The following VAV3 variants were observed in gnomAD, a reference collection of about 807,000 sequenced individuals.
VAV3 encodes the protein guanine nucleotide exchange factor VAV3.
In VAV3, 94 loss-of-function variants were observed where a neutral mutation model predicts 131.2. That is an observed-to-expected ratio of 0.72 (90% confidence interval 0.61 to 0.85). The LOEUF is 0.85. Ranked by LOEUF, VAV3 falls within the 40% of genes least tolerant of loss-of-function variation. VAV3 has a pLI of 0.00. For synonymous variants in VAV3, 349 were observed against 342.0 expected (o/e 1.02, Z -0.22); for missense variants, 939 against 1,002.7 (o/e 0.94, Z 0.86).
intron 15 of VAV3, among the ~76,000 whole-genome samples, chr1:107,745,659 C>T (rs2102039055): frequency 6.6e-6 from 1 of 152,232 alleles, no homozygotes; most frequent in South Asian, 2.1e-4. Flanking sequence ...ATTTAATGTT[C>T]TAAATTAAGA....
chr1:107,962,202 A>G (rs1005591355), intron 1 of VAV3, among the ~76,000 whole-genome samples: 4 of 152,232 alleles, frequency 2.6e-5, no homozygotes, highest in African/African-American at 9.6e-5. Context: ...CCAAAACGCC[A>G]CAAGTACTAG....
chr1:107,637,771 A>G (rs1218411151), intron 20 of VAV3, among the ~76,000 whole-genome samples: 1 of 152,220 alleles, frequency 6.6e-6, no homozygotes, highest in Non-Finnish European at 1.5e-5. Flanking sequence ...AGTTGAAGAG[A>G]AGGGACTAGA....
intron 1 of VAV3, among the ~76,000 whole-genome samples, chr1:107,941,610 T>C (rs1361523767): frequency 1.3e-5 from 2 of 152,168 alleles, no homozygotes; most frequent in Non-Finnish European, 2.9e-5. Flanking sequence ...TCTGTTTTGT[T>C]TGTTTTGCCA....
Position 107,881,158 on chromosome 1 carries a change from T to C in VAV3, c.205-6141A>G, listed in dbSNP as rs79513587. On this transcript the variant is annotated intron_variant, in intron 1 of 26. Transcript: ENST00000370056. ...GTTTTTCTTCTTACTAGAGAGATGATGTGGCATAGGAAGACAAGACAAGGA... is the reference window on the plus strand; with the variant it reads ...GTTTTTCTTCTTACTAGAGAGATGACGTGGCATAGGAAGACAAGACAAGGA... 4.1e-3 allele frequency among the ~76,000 whole-genome samples: 627 copies of C among 152,306 alleles called. 5 individuals carry two copies. Among genetic ancestry groups the C allele is most frequent in the African/African-American group, 0.014 (589 of 41,558 alleles).
chr1:107,871,975 AAAGTAT>A (rs1670274635), intron 2 of VAV3, among the ~76,000 whole-genome samples: 1 of 152,160 alleles, frequency 6.6e-6, no homozygotes, highest in Admixed American at 6.5e-5. Flanking sequence ...CTTTCTTTCT[AAAGTAT>A]AAGTAGATGC....
chr1:107,657,678 C>G (rs11806218), intron 19 of VAV3, among the ~76,000 whole-genome samples: 9,866 of 152,116 alleles, frequency 0.065, 817 homozygotes, highest in African/African-American at 0.2. Context: ...ATAGGGAGAG[C>G]AAAACACAGG....
chr1:107,761,992 G>A (rs1329039739), intron 9 of VAV3, among the ~76,000 whole-genome samples: 2 of 151,854 alleles, frequency 1.3e-5, no homozygotes, highest in Non-Finnish European at 2.9e-5. Context: ...TTATGACTTT[G>A]AGTAAATTAC....
chr1:107,642,968 G>A (rs1655462493), intron 19 of VAV3, among the ~76,000 whole-genome samples: 1 of 152,046 alleles, frequency 6.6e-6, no homozygotes, highest in Non-Finnish European at 1.5e-5. Context: ...CATGATCCCT[G>A]ACATAGTTTT....
At chr1:107,616,321 G>A (rs1001299700) in intron 21 of VAV3, among the ~76,000 whole-genome samples, 1 of 151,622 alleles carries the variant, frequency 6.6e-6, no homozygotes, top group Admixed American at 6.6e-5. Flanking sequence ...ATTATCATGA[G>A]TGAACTAACA....
At chr1:107,688,644 T>A in intron 17 of VAV3, 1 of 1,061,652 alleles carries the variant, frequency 9.4e-7, no homozygotes. Flanking sequence ...AGGTTATGCT[T>A]AACTTTTTCC....
intron 19 of VAV3, among the ~76,000 whole-genome samples, chr1:107,647,240 G>A (rs928770121): frequency 6.7e-5 from 10 of 148,794 alleles, no homozygotes; most frequent in South Asian, 4.4e-4. Context: ...TAGATAAATG[G>A]GCTGTAGGTA....
intron 15 of VAV3, among the ~76,000 whole-genome samples, chr1:107,729,820 G>A (rs545679625): frequency 2.0e-5 from 3 of 152,230 alleles, no homozygotes; most frequent in Admixed American, 6.5e-5. Flanking sequence ...ATTATTTTTT[G>A]TTGTTTACCA....
chr1:107,622,835 A>G (rs1653709764), intron 20 of VAV3, among the ~76,000 whole-genome samples: 1 of 152,216 alleles, frequency 6.6e-6, no homozygotes, highest in Non-Finnish European at 1.5e-5. Flanking sequence ...CATGGCCATG[A>G]ATAATGGGAA....
At chr1:107,741,899 C>T (rs1481435070) in intron 15 of VAV3, among the ~76,000 whole-genome samples, 1 of 152,092 alleles carries the variant, frequency 6.6e-6, no homozygotes, top group African/African-American at 2.4e-5. Context: ...TGAGAATTGC[C>T]CATCCTGCTT....
In VAV3 at chr1:107,624,857, C is replaced by T. The variant is rs910101146; in HGVS notation, c.1915-7225G>A. On this transcript the variant is annotated intron_variant, in intron 20 of 26. Transcript: ENST00000370056. ...TACTAAGGAATTAAAAATGAATAGA[C>T]GTGGACACAATCTTCAAGGATCTCA... is the stretch of plus-strand genomic sequence containing the variant. Among the ~76,000 whole-genome samples, 7 of 152,262 alleles carry T rather than the reference C, an allele frequency of 4.6e-5. No individual in the cohort carries two copies. In the East Asian group the frequency reaches 7.7e-4, roughly 17 times the overall value.
intron 1 of VAV3, among the ~76,000 whole-genome samples, chr1:107,894,788 AT>A (rs1671487222): frequency 6.6e-6 from 1 of 152,128 alleles, no homozygotes; most frequent in African/African-American, 2.4e-5. Flanking sequence ...TTCCCCAAAC[AT>A]TTCCCCCATA....
At chr1:107,895,133 G>C (rs189394021) in intron 1 of VAV3, among the ~76,000 whole-genome samples, 14 of 152,022 alleles carry the variant, frequency 9.2e-5, no homozygotes, top group Admixed American at 9.2e-4. Flanking sequence ...AAAAAAAAAA[G>C]AGCTATGGGA....
intron 20 of VAV3, among the ~76,000 whole-genome samples, chr1:107,636,396 A>T (rs887479889): frequency 2.0e-5 from 3 of 152,202 alleles, no homozygotes; most frequent in African/African-American, 7.2e-5. Context: ...AAACTGAAAG[A>T]GCAATTAGAA....
At position 107,753,669 on chromosome 1, in the gene VAV3, C is replaced by T. The variant is rs1300017204; in HGVS notation, c.1173+1758G>A. On this transcript the variant is annotated intron_variant, in intron 12 of 26. Transcript: ENST00000370056. The stretch of plus-strand genomic sequence containing the variant: ...CCGCCTCCTGGGTTCAAGCAATTCT[C>T]CTGCCTCAGCCTCCCCAGTAGCTGG... 2.6e-5 allele frequency among the ~76,000 whole-genome samples: 4 copies of T among 151,362 alleles called. No homozygotes were observed. In the East Asian group the frequency reaches 7.8e-4, roughly 29 times the overall value.
Sources: allele counts gnomAD v4.1 joint callset (sites outside exome capture counted in the v4.1 genomes callset), GRCh38; gene constraint gnomAD v4.1.1; transcripts MANE v1.5; gene names NCBI Gene and HGNC (gene_info 2026-07-23, HGNC 2026-07-21).